Variants in ITGA9 observed in about 807,000 individuals in gnomAD.
The protein encoded by ITGA9 is integrin subunit alpha 9.
ITGA9 carries 56 observed loss-of-function variants against 127.8 expected under a neutral mutation model. The ratio of observed to expected loss-of-function variants is 0.44; its 90% CI spans 0.35 to 0.55. ITGA9 has a LOEUF of 0.55. Ranked by LOEUF, ITGA9 falls within the 20% of genes least tolerant of loss-of-function variation. ITGA9 has a pLI of 0.00. For missense variants in ITGA9, 1,196 were observed against 1,347.1 expected, an observed-to-expected ratio of 0.89 and a Z score of 1.76; for synonymous variants, 508 against 514.5, an observed-to-expected ratio of 0.99 and a Z score of 0.17.
chr3:37,674,185 AG>A (rs1265649837), intron 17 of ITGA9, among the ~76,000 whole-genome samples: 1 of 152,186 alleles, frequency 6.6e-6, no homozygotes, highest in Non-Finnish European at 1.5e-5. Flanking sequence ...CATGAAGGAG[AG>A]GCCCCCAGAC....
intron 23 of ITGA9, among the ~76,000 whole-genome samples, chr3:37,763,665 C>G (rs549284873): frequency 1.4e-3 from 211 of 152,312 alleles, no homozygotes; most frequent in African/African-American, 5.0e-3. Context: ...AGGATAATTG[C>G]AACAAGAAGT....
chr3:37,549,512 T>C (rs1309167263), intron 15 of ITGA9, among the ~76,000 whole-genome samples: 1 of 152,196 alleles, frequency 6.6e-6, no homozygotes, highest in African/African-American at 2.4e-5. Context: ...AGAGGTGACT[T>C]TCTATTTACA....
chr3:37,702,953 A>G (rs1700963867), intron 18 of ITGA9, among the ~76,000 whole-genome samples: 1 of 152,002 alleles, frequency 6.6e-6, no homozygotes, highest in Non-Finnish European at 1.5e-5. Flanking sequence ...TCCCTGGGGA[A>G]TGCACAGGAA....
At chr3:37,675,790 C>CTGGAGT (rs1173373243) in intron 17 of ITGA9, among the ~76,000 whole-genome samples, 2 of 139,388 alleles carry the variant, frequency 1.4e-5, no homozygotes, top group Non-Finnish European at 3.0e-5. Flanking sequence ...TTTTGCCAGA[C>CTGGAGT]TGGAGTGCAG....
chr3:37,764,454 C>T (rs912306460), intron 23 of ITGA9, among the ~76,000 whole-genome samples: 6 of 108,982 alleles, frequency 5.5e-5, no homozygotes, highest in East Asian at 2.5e-4. Context: ...AGAAACACTC[C>T]GAGATTCTCA....
chr3:37,480,849 A>G (rs144735119), intron 3 of ITGA9, among the ~76,000 whole-genome samples: 1,699 of 152,044 alleles, frequency 0.011, 12 homozygotes, highest in South Asian at 0.029. Context: ...GTTCATTTGC[A>G]CTTTTGCCCT....
At chr3:37,776,790 G>A (rs186696144) in intron 23 of ITGA9, among the ~76,000 whole-genome samples, 1 of 152,350 alleles carries the variant, frequency 6.6e-6, no homozygotes, top group East Asian at 1.9e-4. Context: ...GCTCAGGGCA[G>A]AGACTGGTCA....
At chr3:37,637,659 A>ATATTTT (rs1700293457) in intron 16 of ITGA9, among the ~76,000 whole-genome samples, 1 of 150,832 alleles carries the variant, frequency 6.6e-6, no homozygotes, top group Admixed American at 6.6e-5. Flanking sequence ...CCAGCAAACT[A>ATATTTT]TGTTTTTGTT....
At chr3:37,592,826 G>C (rs1699833751) in intron 15 of ITGA9, among the ~76,000 whole-genome samples, 1 of 152,216 alleles carries the variant, frequency 6.6e-6, no homozygotes, top group African/African-American at 2.4e-5. Flanking sequence ...CCCAGCAGGG[G>C]TGGGTGCTGT....
chr3:37,617,061 T>C (rs531674036), intron 15 of ITGA9, among the ~76,000 whole-genome samples: 5 of 152,382 alleles, frequency 3.3e-5, no homozygotes, highest in African/African-American at 2.4e-5. Flanking sequence ...CTAGCCTTGA[T>C]GGTCTTTACA....
At chr3:37,634,652 AG>A (rs1700260682) in intron 16 of ITGA9, among the ~76,000 whole-genome samples, 4 of 152,334 alleles carry the variant, frequency 2.6e-5, no homozygotes, top group Admixed American at 2.6e-4. Flanking sequence ...CATTAATATT[AG>A]GGAATTTCAG....
chr3:37,773,803 C>T (rs1696872721), intron 23 of ITGA9, among the ~76,000 whole-genome samples: 1 of 151,964 alleles, frequency 6.6e-6, no homozygotes, highest in Admixed American at 6.6e-5. Flanking sequence ...GTAAATTTAC[C>T]TCAATAAAAA....
At chr3:37,784,889 A>G (rs771515984) in intron 25 of ITGA9, 88 bp from the exon 26 acceptor site, 54 of 1,118,102 alleles carry the variant, frequency 4.8e-5, no homozygotes, top group Non-Finnish European at 7.2e-5. Context: ...ACATGGAATC[A>G]TGGAATTTCA....
intron 27 of ITGA9, among the ~76,000 whole-genome samples, chr3:37,815,692 T>C (rs1333818975): frequency 2.6e-5 from 4 of 152,096 alleles, no homozygotes; most frequent in Non-Finnish European, 4.4e-5. Context: ...ATCAGCTGTC[T>C]GTCTGATTCA....
chr3:37,689,760 C>G lies in ITGA9; in HGVS notation c.2067+5745C>G, dbSNP rs184961228. Reference sequence around the variant, plus strand: ...TATGGCCCTGGAGTCAAGGTAAAGCCTCATTTTAATTTTTTGCCCTGGAGC... The same window carrying G: ...TATGGCCCTGGAGTCAAGGTAAAGCGTCATTTTAATTTTTTGCCCTGGAGC... On this transcript the variant is annotated intron_variant, in intron 18 of 27. Transcript: ENST00000264741. Among the ~76,000 whole-genome samples, 76 of 152,278 alleles carry G rather than the reference C, an allele frequency of 5.0e-4. 2 individuals carry two copies. The highest frequency in any genetic ancestry group is 3.4e-3 in the Middle Eastern group (1 of 294).
chr3:37,584,427 A>G (rs939478147), intron 15 of ITGA9, among the ~76,000 whole-genome samples: 1 of 152,138 alleles, frequency 6.6e-6, no homozygotes, highest in Non-Finnish European at 1.5e-5. Flanking sequence ...GAGGAACCTT[A>G]GAGTCAATGA....
intron 15 of ITGA9, among the ~76,000 whole-genome samples, chr3:37,575,737 G>C (rs996252742): frequency 3.9e-5 from 6 of 152,108 alleles, no homozygotes; most frequent in Admixed American, 2.0e-4. Flanking sequence ...AGTGACCCAC[G>C]TGAAAAAGGA....
chr3:37,766,290 T>C (rs1190854342), intron 23 of ITGA9, among the ~76,000 whole-genome samples: 1 of 152,236 alleles, frequency 6.6e-6, no homozygotes, highest in Admixed American at 6.5e-5. Context: ...GAAGTAATGA[T>C]CTCCCCAGCT....
intron 15 of ITGA9, among the ~76,000 whole-genome samples, chr3:37,550,744 C>G (rs1699370630): frequency 6.6e-6 from 1 of 152,160 alleles, no homozygotes; most frequent in African/African-American, 2.4e-5. Context: ...TTCAATTTAA[C>G]TTTTAATAAT....
Sources: allele counts gnomAD v4.1 joint callset (sites outside exome capture counted in the v4.1 genomes callset), GRCh38; gene constraint gnomAD v4.1.1; transcripts MANE v1.5; gene names NCBI Gene and HGNC (gene_info 2026-07-23, HGNC 2026-07-21).